The following CRTAM variants were observed in gnomAD, a reference collection of about 807,000 sequenced individuals.
CRTAM encodes the protein cytotoxic and regulatory T-cell molecule.
Under a neutral mutation model 50.0 loss-of-function variants are expected in CRTAM, and 44 were observed. That is an observed-to-expected ratio of 0.88 (90% confidence interval 0.69 to 1.13). The LOEUF (loss-of-function observed/expected upper bound fraction) is 1.13, where lower values mean the gene tolerates loss of function less well. CRTAM is among the 50% of genes most tolerant of loss of function. The pLI is 0.00. For synonymous variants in CRTAM, 159 were observed against 169.3 expected (o/e 0.94, Z 0.47); for missense variants, 448 against 457.5 (o/e 0.98, Z 0.19).
chr11:122,868,739 T>G (rs908608622), intron 9 of CRTAM, among the ~76,000 whole-genome samples: 1 of 152,206 alleles, frequency 6.6e-6, no homozygotes, highest in African/African-American at 2.4e-5. Context: ...CTGGGTACGG[T>G]GGCTCACGCC....
intron 7 of CRTAM, among the ~76,000 whole-genome samples, chr11:122,865,967 G>T (rs1862167793): frequency 6.6e-6 from 1 of 152,062 alleles, no homozygotes; most frequent in Admixed American, 6.6e-5. Flanking sequence ...ATCATCTCCT[G>T]CATGGAGTAT....
Position 122,871,393 on chromosome 11 carries a change from T to C in CRTAM, c.1176T>C (p.Ile392=), listed in dbSNP as rs747082536. 5.6e-6 allele frequency: 9 copies of C among 1,612,792 alleles called. No individual in the cohort carries two copies. The South Asian group carries it at 7.7e-5, about 14-fold the overall frequency. The change falls in exon 10 of 10, where the codon ATT becomes ATC. Residue 392 remains isoleucine (I), a synonymous_variant. Transcript: ENST00000227348. ...AGCACATCCAAGTACCAGAGAGTAT[T>C]GTGTAGTGCTCTCTGCAATGGAACA... The part of the protein sequence containing the change: ...EEKHIQVPES[I]V
intron 5 of CRTAM, among the ~76,000 whole-genome samples, chr11:122,856,658 G>A (rs1008391651): frequency 6.6e-6 from 1 of 152,216 alleles, no homozygotes; most frequent in Non-Finnish European, 1.5e-5. Flanking sequence ...TATTGAAAAA[G>A]CTCTTTTATC....
At chr11:122,857,741 C>T (rs1327831598) in intron 5 of CRTAM, among the ~76,000 whole-genome samples, 1 of 152,166 alleles carries the variant, frequency 6.6e-6, no homozygotes, top group East Asian at 1.9e-4. Flanking sequence ...CCCTTTCATT[C>T]CTGTGCTCTG....
intron 8 of CRTAM, 122 bp downstream of exon 8, chr11:122,867,677 T>C (rs1862197331): frequency 2.0e-6 from 2 of 985,060 alleles, no homozygotes; most frequent in Admixed American, 5.7e-5. Flanking sequence ...ATAAGTGCTG[T>C]CTCAGATAAG....
intron 4 of CRTAM, among the ~76,000 whole-genome samples, chr11:122,855,240 G>T (rs1012674639): frequency 6.6e-6 from 1 of 152,128 alleles, no homozygotes; most frequent in Non-Finnish European, 1.5e-5. Flanking sequence ...CACTGCGCCC[G>T]GCCTGTAATC....
intron 1 of CRTAM, among the ~76,000 whole-genome samples, chr11:122,842,468 G>A (rs561708307): frequency 1.3e-5 from 2 of 152,266 alleles, no homozygotes; most frequent in African/African-American, 4.8e-5. Flanking sequence ...TAGTAGACAT[G>A]GGGTTTCACT....
chr11:122,850,174 GA>G lies in CRTAM; in HGVS notation c.154del (p.Thr52ProfsTer9). On this transcript the variant is annotated frameshift_variant, in exon 2 of 10. Transcript: ENST00000227348. LOFTEE classifies it high-confidence loss of function. ...LRKNSSLQWL[T>X]PSGFTIFLNE... ...GGAAGAACTCCTCCCTCCAGTGGCT[GA>G]CCCCCTCAGGGTTCACCATTTTTTT... is the stretch of plus-strand genomic sequence containing the variant. 6.2e-7 allele frequency: 1 copy of G among 1,613,244 alleles called. No individual in the cohort carries two copies. The highest frequency in any genetic ancestry group is 8.5e-7 in the Non-Finnish European group (1 of 1,179,398).
chr11:122,846,678 C>T (rs78396321), intron 1 of CRTAM, among the ~76,000 whole-genome samples: 6,354 of 152,140 alleles, frequency 0.042, 427 homozygotes, highest in African/African-American at 0.14. Context: ...GATTGTGTAC[C>T]ATGAACTGAG....
At position 122,871,424 on chromosome 11, in the gene CRTAM, T is replaced by G. The variant is rs1450787565; in HGVS notation, c.*25T>G. 6.3e-7 allele frequency: 1 copy of G among 1,598,010 alleles called. No homozygotes were observed. On this transcript the variant is annotated 3_prime_UTR_variant, in exon 10 of 10. Transcript: ENST00000227348. ...GTGCTCTCTGCAATGGAACATGTGATTTCAGGGTTGCCGCAGTGTCACCTC... is the reference window on the plus strand; with the variant it reads ...GTGCTCTCTGCAATGGAACATGTGAGTTCAGGGTTGCCGCAGTGTCACCTC...
intron 2 of CRTAM, among the ~76,000 whole-genome samples, chr11:122,851,147 C>T (rs1323165402): frequency 6.6e-6 from 1 of 151,964 alleles, no homozygotes; most frequent in African/African-American, 2.4e-5. Flanking sequence ...CTCCTGTAAT[C>T]CCAGCTATTG....
In CRTAM at chr11:122,862,435, AGCAGAATTT is replaced by A; in HGVS notation, c.653-28_653-20del. The A allele has an allele frequency of 7.0e-7, 1 of 1,425,818 alleles. No individual in the cohort carries two copies. The highest frequency in any genetic ancestry group is 9.9e-7 in the Non-Finnish European group (1 of 1,008,180). 88.3% of individuals were successfully genotyped at this position (1,425,818 alleles called of 1,614,324 possible). On this transcript the variant is annotated intron_variant, in intron 5 of 9. Coordinates refer to ENST00000227348, the MANE Select transcript of CRTAM (RefSeq NM_019604.4). ...TGTGGGTAAAACTGCTCTCTATAGT[AGCAGAATTT>A]TGTTTTTCCCCTTTCCTAGTTACTG...
intron 9 of CRTAM, 90 bp downstream of exon 9, chr11:122,868,189 TGTG>T: frequency 1.2e-5 from 1 of 84,378 alleles, no homozygotes; most frequent in Non-Finnish European, 1.7e-5. Flanking sequence ...CAACAGAATA[TGTG>T]TGTGTGTGTG....
rs144230317 is a variant in CRTAM, at chr11:122,869,453, A to C, written c.1051+1354A>C. On this transcript the variant is annotated intron_variant, in intron 9 of 9. Transcript: ENST00000227348. ...CAGGTCCTTTGGATGACTTCATTGCAATTCCTGAGACAAAATATGTAAAGA... is the reference window on the plus strand; with the variant it reads ...CAGGTCCTTTGGATGACTTCATTGCCATTCCTGAGACAAAATATGTAAAGA... 7.9e-5 allele frequency among the ~76,000 whole-genome samples: 12 copies of C among 152,324 alleles called. No individual in the cohort carries two copies. In the East Asian group the frequency reaches 2.1e-3, roughly 27 times the overall value.
intron 9 of CRTAM, among the ~76,000 whole-genome samples, chr11:122,870,363 G>A (rs1446220928): frequency 1.3e-5 from 2 of 152,148 alleles, no homozygotes; most frequent in African/African-American, 2.4e-5. Flanking sequence ...TTACAGGCAT[G>A]AGCCACCACG....
chr11:122,867,302 G>A, intron 7 of CRTAM, 107 bp from the exon 8 acceptor site: 1 of 960,622 alleles, frequency 1.0e-6, no homozygotes, highest in Non-Finnish European at 1.5e-6. Context: ...CATCTGAGCT[G>A]TCTATTAGCT....
At chr11:122,841,365 C>A (rs1303015914) in intron 1 of CRTAM, among the ~76,000 whole-genome samples, 3 of 151,368 alleles carry the variant, frequency 2.0e-5, no homozygotes, top group African/African-American at 7.3e-5. Flanking sequence ...AGTTAGCATC[C>A]TATTATAATA....
intron 1 of CRTAM, among the ~76,000 whole-genome samples, chr11:122,849,807 A>T (rs1444232990): frequency 6.6e-6 from 1 of 152,054 alleles, no homozygotes; most frequent in African/African-American, 2.4e-5. Context: ...AAACCTGTTG[A>T]ACTGTAGTTT....
intron 4 of CRTAM, among the ~76,000 whole-genome samples, chr11:122,855,197 G>A (rs1051044854): frequency 6.6e-6 from 1 of 152,174 alleles, no homozygotes; most frequent in African/African-American, 2.4e-5. Context: ...AACTGCCTCG[G>A]CCTCCCAGAG....
Sources: allele counts gnomAD v4.1 joint callset (sites outside exome capture counted in the v4.1 genomes callset), GRCh38; gene constraint gnomAD v4.1.1; transcripts MANE v1.5; gene names NCBI Gene and HGNC (gene_info 2026-07-23, HGNC 2026-07-21).